Variants in CSMD3 observed in about 807,000 individuals in gnomAD.
The protein encoded by CSMD3 is CUB and sushi domain-containing protein 3.
In CSMD3, 177 loss-of-function variants were observed where a neutral mutation model predicts 435.2. The ratio of observed to expected loss-of-function variants is 0.41; its 90% CI spans 0.36 to 0.46. The LOEUF (loss-of-function observed/expected upper bound fraction) is 0.46. CSMD3 is among the 20% of genes least tolerant of loss of function. CSMD3 has a pLI of 0.34. For missense variants in CSMD3, 4,265 were observed against 4,504.6 expected, an observed-to-expected ratio of 0.95 and a Z score of 1.52; for synonymous variants, 1,656 against 1,520.5, an observed-to-expected ratio of 1.09 and a Z score of -2.07.
intron 7 of CSMD3, among the ~76,000 whole-genome samples, chr8:112,957,001 T>A (rs1202509967): frequency 6.6e-6 from 1 of 152,112 alleles, no homozygotes; most frequent in East Asian, 1.9e-4. Context: ...ATTTAAAATA[T>A]GTTAAACAGA....
At chr8:112,381,212 T>C (rs1829437624) in intron 37 of CSMD3, among the ~76,000 whole-genome samples, 2 of 152,190 alleles carry the variant, frequency 1.3e-5, no homozygotes, top group African/African-American at 4.8e-5. Flanking sequence ...TCTTATACCC[T>C]GACAGCAAAG....
At chr8:112,615,207 T>A (rs924364725) in intron 22 of CSMD3, among the ~76,000 whole-genome samples, 8 of 152,170 alleles carry the variant, frequency 5.3e-5, no homozygotes, top group Non-Finnish European at 1.2e-4. Flanking sequence ...ATGCAAAATG[T>A]AGCATATCAA....
intron 35 of CSMD3, among the ~76,000 whole-genome samples, chr8:112,405,294 A>G (rs1475409711): frequency 1.4e-5 from 2 of 143,056 alleles, no homozygotes; most frequent in African/African-American, 5.2e-5. Flanking sequence ...ATACTAATAT[A>G]ACTTTAATGA....
chr8:112,829,964 A>G (rs936749127), intron 11 of CSMD3, among the ~76,000 whole-genome samples, 175 bp from the exon 12 acceptor site: 1 of 151,988 alleles, frequency 6.6e-6, no homozygotes, highest in South Asian at 2.1e-4. Context: ...ATATAATTTC[A>G]TAGTATGGCA....
chr8:112,973,916 TA>T (rs1367619864), intron 7 of CSMD3, among the ~76,000 whole-genome samples: 1 of 151,906 alleles, frequency 6.6e-6, no homozygotes, highest in Non-Finnish European at 1.5e-5. Flanking sequence ...ATGAATACAT[TA>T]AAAATGTTTT....
At chr8:113,201,352 A>T (rs1182951568) in intron 3 of CSMD3, among the ~76,000 whole-genome samples, 2 of 151,942 alleles carry the variant, frequency 1.3e-5, no homozygotes, top group Admixed American at 6.6e-5. Context: ...CTTACAGTCA[A>T]AGGTTAATTG....
In CSMD3 at chr8:112,666,553, ACATCTAGTC is replaced by A. The variant is rs2075531260; in HGVS notation, c.2678-147_2678-139del. The stretch of plus-strand genomic sequence containing the variant: ...TAATACTATTTTTGAAAGCAATGGT[ACATCTAGTC>A]AATTACTTCTGTTAAATGATTATTT... On this transcript the variant is annotated intron_variant, in intron 16 of 70. Transcript: ENST00000297405. 5.5e-6 allele frequency: 4 copies of A among 722,450 alleles called. No individual in the cohort carries two copies. The African/African-American group carries it at 7.2e-5, about 13-fold the overall frequency. 44.8% of individuals were successfully genotyped at this position (722,450 alleles called of 1,614,324 possible). A position where few individuals can be genotyped will look rare whatever the true frequency, so the allele number is the denominator to read the frequency against.
intron 27 of CSMD3, among the ~76,000 whole-genome samples, chr8:112,525,619 G>C (rs1024757664): frequency 1.3e-5 from 2 of 148,936 alleles, no homozygotes; most frequent in African/African-American, 4.9e-5. Context: ...TACTTGGGAG[G>C]CTGAGGCAGG....
chr8:113,182,147 A>C (rs898518876), intron 3 of CSMD3, among the ~76,000 whole-genome samples: 2 of 152,074 alleles, frequency 1.3e-5, no homozygotes, highest in Non-Finnish European at 1.5e-5. Flanking sequence ...AAAATAAGAC[A>C]TACATGGTAA....
intron 1 of CSMD3, among the ~76,000 whole-genome samples, chr8:113,427,825 A>C (rs989793562): frequency 1.3e-5 from 2 of 151,652 alleles, no homozygotes; most frequent in African/African-American, 4.8e-5. Context: ...TGTAGAGCTG[A>C]GTGGAAGGTT....
intron 27 of CSMD3, among the ~76,000 whole-genome samples, chr8:112,537,146 G>A (rs1448191970): frequency 6.6e-6 from 1 of 151,590 alleles, no homozygotes; most frequent in Non-Finnish European, 1.5e-5. Context: ...TTGTGCACAT[G>A]TACCCTAAAA....
intron 32 of CSMD3, among the ~76,000 whole-genome samples, chr8:112,416,777 C>T (rs951356392): frequency 4.6e-5 from 7 of 151,684 alleles, no homozygotes; most frequent in Non-Finnish European, 1.0e-4. Context: ...GAATAATTCT[C>T]TGAGTATCCT....
At chr8:112,618,951 T>G (rs931648067) in intron 22 of CSMD3, among the ~76,000 whole-genome samples, 3 of 152,134 alleles carry the variant, frequency 2.0e-5, no homozygotes, top group African/African-American at 7.2e-5. Flanking sequence ...AGTTATGATT[T>G]CTGATTCCAC....
At chr8:112,626,430 C>T (rs1834479250) in intron 22 of CSMD3, among the ~76,000 whole-genome samples, 2 of 152,036 alleles carry the variant, frequency 1.3e-5, no homozygotes, top group African/African-American at 2.4e-5. Context: ...TATTAGAAAT[C>T]AGCCTCTGTA....
At chr8:112,889,029 T>C (rs1050427282) in intron 10 of CSMD3, among the ~76,000 whole-genome samples, 4 of 151,692 alleles carry the variant, frequency 2.6e-5, no homozygotes, top group African/African-American at 9.7e-5. Flanking sequence ...AGTTAAATCA[T>C]TTAGAAAATG....
intron 70 of CSMD3, 130 bp downstream of exon 70, chr8:112,228,626 C>T: frequency 1.1e-6 from 1 of 912,020 alleles, no homozygotes; most frequent in Non-Finnish European, 1.7e-6. Flanking sequence ...GTGTCTATGA[C>T]AATAGTTAGC....
At chr8:113,397,502 CT>C (rs1486190595) in intron 1 of CSMD3, among the ~76,000 whole-genome samples, 70 of 151,992 alleles carry the variant, frequency 4.6e-4, no homozygotes, top group African/African-American at 1.5e-3. Context: ...TCTAATACTT[CT>C]GGAAATAAGG....
chr8:112,615,799 C>A (rs757641859), intron 22 of CSMD3, among the ~76,000 whole-genome samples: 2 of 151,886 alleles, frequency 1.3e-5, no homozygotes, highest in Non-Finnish European at 2.9e-5. Flanking sequence ...AACAAAGGAA[C>A]GGTGAAAATA....
intron 32 of CSMD3, among the ~76,000 whole-genome samples, chr8:112,470,791 G>C (rs992365031): frequency 1.3e-5 from 2 of 151,834 alleles, no homozygotes; most frequent in Non-Finnish European, 2.9e-5. Context: ...TTAGAATACA[G>C]GTGCTTAAAT....
Sources: allele counts gnomAD v4.1 joint callset (sites outside exome capture counted in the v4.1 genomes callset), GRCh38; gene constraint gnomAD v4.1.1; transcripts MANE v1.5; gene names NCBI Gene and HGNC (gene_info 2026-07-23, HGNC 2026-07-21).